The following MINDY4 variants were observed in gnomAD, a reference collection of about 807,000 sequenced individuals.
The protein encoded by MINDY4 is MINDY lysine 48 deubiquitinase 4.
A neutral mutation model predicts 87.0 loss-of-function variants in MINDY4; 68 were observed. The ratio of observed to expected loss-of-function variants is 0.78; its 90% CI spans 0.64 to 0.96. MINDY4 has a LOEUF of 0.96. Ranked by LOEUF, MINDY4 falls within the 40% of genes least tolerant of loss-of-function variation. MINDY4 has a pLI of 0.00. For missense variants in MINDY4, 919 were observed against 928.2 expected, an observed-to-expected ratio of 0.99 and a Z score of 0.13; for synonymous variants, 379 against 363.2, an observed-to-expected ratio of 1.04 and a Z score of -0.50.
rs1158622612 is a variant in MINDY4, at chr7:30,882,166, C to T, written c.1972-15C>T. 2 of 1,594,746 alleles carry T rather than the reference C, an allele frequency of 1.3e-6. No individual in the cohort carries two copies. Among genetic ancestry groups the T allele is most frequent in the East Asian group, 4.5e-5 (2 of 44,390 alleles). ...CTGGGGACGGCATTTCACATCAGGC[C>T]TCTCCCTCATCCAGGTTGGCTGCTT... is the stretch of plus-strand genomic sequence containing the variant. On this transcript the variant is annotated splice_polypyrimidine_tract_variant and intron_variant, in intron 15 of 17. Coordinates refer to ENST00000265299, the MANE Select transcript of MINDY4 (RefSeq NM_032222.3).
At chr7:30,852,093 C>T (rs1789431781) in intron 10 of MINDY4, 123 bp from the exon 11 acceptor site, 1 of 1,109,754 alleles carries the variant, frequency 9.0e-7, no homozygotes, top group Admixed American at 2.5e-5. Flanking sequence ...CTCTTGGCTC[C>T]ATTTTCTCTC....
intron 1 of MINDY4, among the ~76,000 whole-genome samples, chr7:30,776,547 A>G (rs1362704754): frequency 6.6e-6 from 1 of 152,024 alleles, no homozygotes. Flanking sequence ...ATAGAGTGCA[A>G]GCTCCCTGAG....
intron 9 of MINDY4, among the ~76,000 whole-genome samples, chr7:30,849,815 CTCTTTA>C (rs773416730): frequency 6.6e-6 from 1 of 152,226 alleles, no homozygotes; most frequent in Non-Finnish European, 1.5e-5. Context: ...TGAAGTGTGA[CTCTTTA>C]TCTTCTATCT....
chr7:30,853,561 C>A lies in MINDY4; in HGVS notation c.1677+102C>A, dbSNP rs1397025647. The A allele has an allele frequency of 4.7e-6, 5 of 1,062,738 alleles. No individual in the cohort carries two copies. The Admixed American group carries it at 8.0e-5, about 17-fold the overall frequency. The allele number at this position is 1,062,738 out of a possible 1,614,324, so 65.8% of individuals were successfully genotyped here. On this transcript the variant is annotated intron_variant, in intron 12 of 17. Transcript: ENST00000265299. ...CTGGAGTTGTTCTCCTGTCGTCCCA[C>A]CCTGGGATGGCGAGGAAGCTGGGAA...
rs796152034 is a variant in MINDY4, at chr7:30,864,413, CA to C, written c.1745+5092del. On this transcript the variant is annotated intron_variant, in intron 13 of 17. Coordinates refer to ENST00000265299, the MANE Select transcript of MINDY4 (RefSeq NM_032222.3). ...AATTCCCAGCCAGTGTAAGCAGAAA[CA>C]AAGCTACTGACTGATTCCTATCAGA... Among the ~76,000 whole-genome samples, 26 of 152,374 alleles carry C rather than the reference CA, an allele frequency of 1.7e-4. 1 individual carries two copies. Among genetic ancestry groups the C allele is most frequent in the African/African-American group, 6.3e-4 (26 of 41,594 alleles).
At position 30,882,904 on chromosome 7, in the gene MINDY4, TCTCTC is replaced by T; in HGVS notation, c.2153-13_2153-9del. The T allele has an allele frequency of 6.2e-7, 1 of 1,613,264 alleles. No individual in the cohort carries two copies. Among genetic ancestry groups the T allele is most frequent in the South Asian group, 1.1e-5 (1 of 90,992 alleles). On this transcript the variant is annotated splice_polypyrimidine_tract_variant and intron_variant, in intron 16 of 17. Coordinates refer to ENST00000265299, the MANE Select transcript of MINDY4 (RefSeq NM_032222.3). ...GGGCCCTGGGTGACATGTGTGTGCC[TCTCTC>T]CTCCTTCCCAGACACCACCCAAACC...
intron 4 of MINDY4, among the ~76,000 whole-genome samples, chr7:30,788,728 A>G (rs183387457): frequency 9.2e-5 from 14 of 152,148 alleles, no homozygotes; most frequent in Admixed American, 2.0e-4. Context: ...CAGTGGTTCC[A>G]TGAAAAAACC....
chr7:30,846,730 G>A lies in MINDY4; in HGVS notation c.1446-3724G>A, dbSNP rs141737893. Among the ~76,000 whole-genome samples, 438 of 139,794 alleles carry A rather than the reference G, an allele frequency of 3.1e-3. 3 individuals carry two copies. The highest frequency in any genetic ancestry group is 0.011 in the African/African-American group (422 of 38,618). 91.7% of individuals were successfully genotyped at this position (139,794 alleles called of 152,430 possible). A position where few individuals can be genotyped will look rare whatever the true frequency, so the allele number is the denominator to read the frequency against. ...CCAGCCTTTTTGGCACCAGGGACTG[G>A]TTTTGTGGAAGACAATTTTTCCATG... On this transcript the variant is annotated intron_variant, in intron 9 of 17. Coordinates refer to ENST00000265299, the MANE Select transcript of MINDY4 (RefSeq NM_032222.3).
At position 30,875,610 on chromosome 7, in the gene MINDY4, G is replaced by A; in HGVS notation, c.1925G>A (p.Ser642Asn). ...CTTCTCAGAGGCATTGCTGCACGCA[G>A]TGATATTGGCTTCTTATCTCTCTTT... ...ITLLRGIAAR[S>N]DIGFLSLFEH... Residue 642 changes from serine (S) to asparagine (N), a missense_variant, in exon 15 of 18, where the codon AGT becomes AAT. Coordinates refer to ENST00000265299, the MANE Select transcript of MINDY4 (RefSeq NM_032222.3). 6.2e-7 allele frequency: 1 copy of A among 1,614,106 alleles called. No homozygotes were observed. Among genetic ancestry groups the A allele is most frequent in the African/African-American group, 1.3e-5 (1 of 75,068 alleles).
intron 5 of MINDY4, among the ~76,000 whole-genome samples, chr7:30,808,293 G>A (rs1384078836): frequency 2.6e-5 from 4 of 152,172 alleles, no homozygotes; most frequent in Non-Finnish European, 2.9e-5. Context: ...GAGTGGAAGC[G>A]TGGCCTGATC....
chr7:30,802,605 A>G (rs974190329), intron 5 of MINDY4, among the ~76,000 whole-genome samples: 1 of 152,224 alleles, frequency 6.6e-6, no homozygotes, highest in African/African-American at 2.4e-5. Context: ...AGGAGAATGG[A>G]AGGGAAAGTT....
intron 5 of MINDY4, among the ~76,000 whole-genome samples, chr7:30,802,592 G>C (rs961509259): frequency 1.3e-5 from 2 of 152,120 alleles, no homozygotes; most frequent in Admixed American, 1.3e-4. Flanking sequence ...AGTGCACTTA[G>C]CAAGGAGAAT....
intron 5 of MINDY4, among the ~76,000 whole-genome samples, chr7:30,802,831 A>G (rs974219779): frequency 3.9e-5 from 6 of 151,966 alleles, no homozygotes; most frequent in South Asian, 2.1e-4. Context: ...CAACCAACCA[A>G]CCATCCCAAC....
intron 13 of MINDY4, among the ~76,000 whole-genome samples, chr7:30,869,568 T>G (rs1000587712): frequency 7.9e-5 from 12 of 152,192 alleles, no homozygotes; most frequent in South Asian, 4.1e-4. Flanking sequence ...ACTTTCTCAC[T>G]GAGTCCTCAC....
chr7:30,855,625 C>T (rs2128572510), intron 12 of MINDY4, among the ~76,000 whole-genome samples: 1 of 152,328 alleles, frequency 6.6e-6, no homozygotes, highest in East Asian at 1.9e-4. Flanking sequence ...CCCCTCAGCA[C>T]CAGGACCTCT....
chr7:30,798,314 T>C (rs967869245), intron 5 of MINDY4, among the ~76,000 whole-genome samples: 7 of 152,154 alleles, frequency 4.6e-5, no homozygotes, highest in Non-Finnish European at 1.0e-4. Context: ...ACATATCTCA[T>C]TGGGATTCGT....
intron 17 of MINDY4, among the ~76,000 whole-genome samples, chr7:30,887,642 C>T (rs565416958): frequency 1.3e-5 from 2 of 152,332 alleles, no homozygotes; most frequent in African/African-American, 4.8e-5. Flanking sequence ...CCTAAGCAGG[C>T]GTCCAGGAGG....
At chr7:30,872,390 C>A in intron 14 of MINDY4, 84 bp downstream of exon 14, 1 of 1,319,446 alleles carries the variant, frequency 7.6e-7, no homozygotes, top group Non-Finnish European at 1.1e-6. Flanking sequence ...CTCCTCTTGC[C>A]CCAGAAAAAG....
intron 12 of MINDY4, chr7:30,858,585 T>C (rs1789650710): frequency 6.6e-6 from 1 of 152,098 alleles, no homozygotes; most frequent in Non-Finnish European, 1.5e-5. Flanking sequence ...AACCTATCTT[T>C]TTTAAAAATC....
Sources: gnomAD v4.1 joint callset for allele counts (sites outside exome capture counted in the v4.1 genomes callset) on GRCh38, gnomAD v4.1.1 for gene constraint, MANE v1.5 for transcripts, NCBI Gene and HGNC (gene_info 2026-07-23, HGNC 2026-07-21) for gene names.